The following ADGRF3 variants were observed in gnomAD, a reference collection of about 807,000 sequenced individuals.
ADGRF3 encodes the protein G protein-coupled receptor 113.
In ADGRF3, 85 loss-of-function variants were observed where a neutral mutation model predicts 93.2. The observed-to-expected ratio is 0.91, with a 90% CI of 0.77 to 1.09. The LOEUF is 1.09. Ranked by LOEUF, ADGRF3 falls within the 50% of genes least tolerant of loss-of-function variation. The pLI is 0.00. For missense variants in ADGRF3, 1,125 were observed against 1,246.2 expected (o/e 0.90, Z 1.46); for synonymous variants, 534 against 532.5 (o/e 1.00, Z -0.04).
intron 1 of ADGRF3, among the ~76,000 whole-genome samples, chr2:26,327,529 C>T (rs1450329473): frequency 6.6e-6 from 1 of 150,948 alleles, no homozygotes; most frequent in African/African-American, 2.5e-5. Flanking sequence ...GTTGCAATAA[C>T]AGAATACCAC....
intron 1 of ADGRF3, among the ~76,000 whole-genome samples, chr2:26,340,916 C>CA (rs994387435): frequency 2.2e-4 from 32 of 147,630 alleles, no homozygotes; most frequent in Middle Eastern, 3.4e-3. Context: ...CACTTGCCTT[C>CA]AAAAAAAAAA....
chr2:26,336,914 G>C (rs956238299), intron 1 of ADGRF3, among the ~76,000 whole-genome samples: 22 of 152,076 alleles, frequency 1.4e-4, no homozygotes, highest in African/African-American at 5.3e-4. Flanking sequence ...GGTTGGAAAT[G>C]GACTGAAGAT....
intron 13 of ADGRF3, 116 bp from the exon 14 acceptor site, chr2:26,309,223 T>C: frequency 1.9e-6 from 3 of 1,609,884 alleles, no homozygotes; most frequent in Non-Finnish European, 2.5e-6. Flanking sequence ...ACTCTCATGA[T>C]AATTAAATGT....
intron 1 of ADGRF3, among the ~76,000 whole-genome samples, chr2:26,331,818 A>C (rs532417518): frequency 6.6e-6 from 1 of 152,208 alleles, no homozygotes. Flanking sequence ...ATTTTGGTTT[A>C]GTTTTTTTTT....
At chr2:26,334,893 C>T (rs548177919) in intron 1 of ADGRF3, among the ~76,000 whole-genome samples, 3 of 152,184 alleles carry the variant, frequency 2.0e-5, no homozygotes, top group African/African-American at 4.8e-5. Flanking sequence ...TTAAAAACAC[C>T]GAATTCATGA....
intron 1 of ADGRF3, among the ~76,000 whole-genome samples, chr2:26,342,924 AATTCTGC>A (rs1388162861): frequency 6.5e-4 from 99 of 152,364 alleles, no homozygotes; most frequent in African/African-American, 2.3e-3. Context: ...GGATTCACAG[AATTCTGC>A]GAAAATACAG....
At chr2:26,331,491 G>A (rs943553622) in intron 1 of ADGRF3, among the ~76,000 whole-genome samples, 2 of 152,194 alleles carry the variant, frequency 1.3e-5, no homozygotes, top group Admixed American at 6.5e-5. Flanking sequence ...AGAGGTTGCA[G>A]TGAGCCGAGA....
In ADGRF3 at chr2:26,311,896, T is replaced by G. The variant is rs568201043; in HGVS notation, c.1628A>C (p.Gln543Pro). ...AAACGTGGGTCCAAACAGCTGGCTCTGCAGCAGCACATTGGGTAAGCTGAA... is the reference window on the plus strand; with the variant it reads ...AAACGTGGGTCCAAACAGCTGGCTCGGCAGCAGCACATTGGGTAAGCTGAA... ...FAFSLPNVLL[Q>P]SQLFGPTFPA... The change falls in exon 10 of 14, where the codon CAG (glutamine) becomes CCG (proline). Residue 543 changes from glutamine (Q) to proline (P), a missense_variant. Transcript: ENST00000651242. 4 of 1,613,790 alleles carry G rather than the reference T, an allele frequency of 2.5e-6. No homozygotes were observed. The highest frequency in any genetic ancestry group is 1.7e-5 in the Admixed American group (1 of 60,004).
At chr2:26,319,109 A>G (rs1674951955) in intron 1 of ADGRF3, 6 of 1,514,918 alleles carry the variant, frequency 4.0e-6, no homozygotes, top group African/African-American at 1.4e-5. Flanking sequence ...AAGAGCTGGC[A>G]GGGCAGTGTG....
At position 26,311,676 on chromosome 2, in the gene ADGRF3, C is replaced by A. The variant is rs1674151023; in HGVS notation, c.1848G>T (p.Leu616=). 6.2e-7 allele frequency: 1 copy of A among 1,613,322 alleles called. No individual in the cohort carries two copies. Among genetic ancestry groups the A allele is most frequent in the Non-Finnish European group, 8.5e-7 (1 of 1,179,828 alleles). Residue 616 remains leucine, a synonymous_variant, in exon 10 of 14, where the codon CTG becomes CTT. Transcript: ENST00000651242. Reference sequence around the variant, plus strand: ...CTGCCATGATGGAAATGACAAGGACCAGGCCAGGAGTGGCATAGAGGGAAT... The same window carrying A: ...CTGCCATGATGGAAATGACAAGGACAAGGCCAGGAGTGGCATAGAGGGAAT... ...LGDSLYATPG[L]VLVISIMAGD...
Position 26,309,080 on chromosome 2 carries a change from T to A in ADGRF3, c.*6A>T. 1 of 1,614,038 alleles carries A rather than the reference T, an allele frequency of 6.2e-7. No homozygotes were observed. Among genetic ancestry groups the A allele is most frequent in the Non-Finnish European group, 8.5e-7 (1 of 1,179,902 alleles). On this transcript the variant is annotated 3_prime_UTR_variant, in exon 14 of 14. Coordinates refer to ENST00000651242, the MANE Select transcript of ADGRF3 (RefSeq NM_001321971.2). Reference sequence around the variant, plus strand: ...TCCCTTGCAGGAACATGGGTCCGTGTGTGGTTCACTCTGAAGCATCTGTCT... The same window carrying A: ...TCCCTTGCAGGAACATGGGTCCGTGAGTGGTTCACTCTGAAGCATCTGTCT...
intron 1 of ADGRF3, among the ~76,000 whole-genome samples, chr2:26,336,121 G>A (rs1443833569): frequency 1.3e-5 from 2 of 152,180 alleles, no homozygotes; most frequent in African/African-American, 4.8e-5. Flanking sequence ...GATGCTGTGG[G>A]AACACAGTGT....
At position 26,313,400 on chromosome 2, in the gene ADGRF3, G is replaced by C. The variant is rs767783866; in HGVS notation, c.1246C>G (p.Leu416Val). 3.5e-5 allele frequency: 56 copies of C among 1,601,728 alleles called. No homozygotes were observed. The highest frequency in any genetic ancestry group is 4.4e-5 in the Non-Finnish European group (52 of 1,174,572). ...VHSSCTDARLLALFTRTKLLQ... is the reference protein window; with the variant it reads ...VHSSCTDARLVALFTRTKLLQ... ...ACCTTGGTTCTAGTGAACAAGGCCA[G>C]GAGCCTCGCATCTGTGCAGCTGCTG... is the stretch of plus-strand genomic sequence containing the variant. Residue 416 changes from leucine to valine, a missense_variant, in exon 8 of 14, where the codon CTG (leucine) becomes GTG (valine). Leu to Val is a conservative substitution (Grantham distance 32). Transcript: ENST00000651242.
Position 26,313,782 on chromosome 2 carries a change from G to A in ADGRF3, c.1050C>T (p.Pro350=). ...QSLGLAPLRV[P]ISITIIQDGD... ...TACCCTGGATGATGGTGATGGAGATGGGGACCCTGAGTGGAGCCAGGCCCA... is the reference window on the plus strand; with the variant it reads ...TACCCTGGATGATGGTGATGGAGATAGGGACCCTGAGTGGAGCCAGGCCCA... The change falls in exon 7 of 14, where the codon CCC becomes CCT. Residue 350 remains proline, a synonymous_variant. Coordinates refer to ENST00000651242, the MANE Select transcript of ADGRF3 (RefSeq NM_001321971.2). The A allele has an allele frequency of 6.2e-7, 1 of 1,613,968 alleles. No homozygotes were observed. Among genetic ancestry groups the A allele is most frequent in the Non-Finnish European group, 8.5e-7 (1 of 1,179,888 alleles).
intron 1 of ADGRF3, among the ~76,000 whole-genome samples, chr2:26,336,645 C>T (rs950989338): frequency 7.1e-6 from 1 of 141,608 alleles, no homozygotes; most frequent in African/African-American, 2.7e-5. Context: ...AGAATCTCTT[C>T]AGCCCAGGAG....
rs978739336 is a variant in ADGRF3 at position 26,311,551 on chromosome 2, C to T, written c.1973G>A (p.Arg658Lys). 1.2e-6 allele frequency: 2 copies of T among 1,613,912 alleles called. No homozygotes were observed. The highest frequency in any genetic ancestry group is 1.3e-5 in the African/African-American group (1 of 74,946). Reference protein sequence around the residue: ...VFWDHSLFQGRGGWSKEGCQA... With the variant: ...VFWDHSLFQGKGGWSKEGCQA... ...GCACCCTTCTTTGGACCAACCCCCC[C>T]TGCCCTGGAAGAGACTGTGATCCCA... is the stretch of plus-strand genomic sequence containing the variant. The change falls in exon 10 of 14, where the codon AGG (arginine) becomes AAG (lysine). Residue 658 changes from arginine to lysine, a missense_variant. Arg to Lys is a conservative substitution (Grantham distance 26, BLOSUM62 2). Coordinates refer to ENST00000651242, the MANE Select transcript of ADGRF3 (RefSeq NM_001321971.2).
At chr2:26,329,485 A>G (rs1272003881) in intron 1 of ADGRF3, among the ~76,000 whole-genome samples, 1 of 152,224 alleles carries the variant, frequency 6.6e-6, no homozygotes, top group East Asian at 1.9e-4. Flanking sequence ...AGGATTGATG[A>G]CAGGCTCCAG....
intron 1 of ADGRF3, among the ~76,000 whole-genome samples, chr2:26,329,825 AAC>A (rs1675661655): frequency 6.6e-6 from 1 of 152,284 alleles, no homozygotes; most frequent in East Asian, 1.9e-4. Flanking sequence ...TTGTTTTTAA[AAC>A]AGTGTTCACA....
At chr2:26,313,635 C>A in intron 7 of ADGRF3, 62 bp from the exon 8 acceptor site, 1 of 1,566,836 alleles carries the variant, frequency 6.4e-7, no homozygotes, top group Non-Finnish European at 8.6e-7. Context: ...TCTCCTTGGG[C>A]AGAACCCTAT....
Sources: allele counts gnomAD v4.1 joint callset (sites outside exome capture counted in the v4.1 genomes callset), GRCh38; gene constraint gnomAD v4.1.1; transcripts MANE v1.5; gene names NCBI Gene and HGNC (gene_info 2026-07-23, HGNC 2026-07-21).